GFPT1: variants seen among roughly 807,000 people sequenced by gnomAD.
GFPT1 encodes the protein glutamine--fructose-6-phosphate aminotransferase [isomerizing] 1.
In GFPT1, 40 loss-of-function variants were observed where a neutral mutation model predicts 92.0. The ratio of observed to expected loss-of-function variants is 0.43; its 90% CI spans 0.34 to 0.57. The LOEUF is 0.57. Ranked by LOEUF, GFPT1 falls within the 20% of genes least tolerant of loss-of-function variation. The pLI is 0.02. For synonymous variants in GFPT1, 269 were observed against 280.6 expected (o/e 0.96, Z 0.41); for missense variants, 448 against 869.1 (o/e 0.52, Z 6.09).
At chr2:69,380,181 T>A (rs531797634) in intron 1 of GFPT1, among the ~76,000 whole-genome samples, 1 of 151,910 alleles carries the variant, frequency 6.6e-6, no homozygotes, top group African/African-American at 2.4e-5. Flanking sequence ...CCATTAAAAA[T>A]ACAAAATTCC....
chr2:69,331,390 A>G (rs13388542), intron 15 of GFPT1, among the ~76,000 whole-genome samples: 4 of 152,164 alleles, frequency 2.6e-5, no homozygotes, highest in African/African-American at 9.7e-5. Context: ...AAAATTAGAC[A>G]AATGCTACAT....
Position 69,328,330 on chromosome 2 carries a change from T to C in GFPT1, c.1834A>G (p.Met612Val). The change falls in exon 18 of 20, where the codon ATG becomes GTG. Residue 612 changes from methionine (M) to valine (V), a missense_variant. Physicochemically the swap from Met to Val is conservative, Grantham distance 21. Around this residue, in one of 7 missense-constraint regions of GFPT1, gnomAD observed 5 missense variants for 46.8 expected, o/e 0.11. Transcript: ENST00000357308. ...CACTTGGCATAAGTGTGATCTCTCATGATGATCATGATCACAGGCATCAAT... is the reference window on the plus strand; with the variant it reads ...CACTTGGCATAAGTGTGATCTCTCACGATGATCATGATCACAGGCATCAAT... ...DKLMPVIMII[M>V]RDHTYAKCQN... 1 of 1,613,524 alleles carries C rather than the reference T, an allele frequency of 6.2e-7. No homozygotes were observed. Among genetic ancestry groups the C allele is most frequent in the Non-Finnish European group, 8.5e-7 (1 of 1,179,468 alleles).
chr2:69,342,112 T>C, intron 13 of GFPT1, 40 bp downstream of exon 13: 2 of 1,066,246 alleles, frequency 1.9e-6, no homozygotes, highest in African/African-American at 1.6e-5. Context: ...ACAGATATTC[T>C]CTAATATTCA....
rs536572222 is a variant in GFPT1 at position 69,350,118 on chromosome 2, C to T, written c.805G>A (p.Glu269Lys). ...AAGTAATACTCCACTGCTTTTTCTT[C>T]CACCGGGAAAAGGCAGGTTGTGCTG... ...VDSTTCLFPV[E>K]EKAVEYYFAS... The change falls in exon 10 of 20, where the codon GAA (glutamate) becomes AAA (lysine). Residue 269 changes from glutamate (E) to lysine (K), a missense_variant. This residue lies in a region of GFPT1 where 121 missense variants were observed against 304.3 expected (regional missense o/e 0.40). Transcript: ENST00000357308. 3.3e-5 allele frequency: 53 copies of T among 1,613,940 alleles called. No individual in the cohort carries two copies. The highest frequency in any genetic ancestry group is 1.3e-4 in the Admixed American group (8 of 60,026).
At chr2:69,362,417 CTTATT>C (rs1350096523) in intron 4 of GFPT1, among the ~76,000 whole-genome samples, 1 of 151,916 alleles carries the variant, frequency 6.6e-6, no homozygotes, top group African/African-American at 2.4e-5. Context: ...TTTAGTGTGT[CTTATT>C]TTAAAGATGT....
rs200912009 is a variant in GFPT1 at position 69,381,870 on chromosome 2, T to C, written c.7+5195A>G. ...CACTGGCTACTTATAACTCTTTTTT[T>C]TTTTTTTAATTGAGACAGAGTGTCA... On this transcript the variant is annotated intron_variant, in intron 1 of 19. Transcript: ENST00000357308. Among the ~76,000 whole-genome samples the C allele has an allele frequency of 2.4e-3, 357 of 150,784 alleles. 4 individuals are homozygous for C. Among genetic ancestry groups the C allele is most frequent in the South Asian group, 0.011 (53 of 4,732 alleles).
intron 7 of GFPT1, 150 bp from the exon 8 acceptor site, chr2:69,354,718 T>TAA (rs61401084): frequency 4.7e-5 from 31 of 653,788 alleles, no homozygotes; most frequent in Non-Finnish European, 6.9e-5. Context: ...AAGAATTTTT[T>TAA]AAAAAAATCA....
At chr2:69,356,404 T>A in intron 7 of GFPT1, 92 bp downstream of exon 7, 1 of 904,062 alleles carries the variant, frequency 1.1e-6, no homozygotes, top group Middle Eastern at 2.1e-4. Context: ...GGGCAGAGCC[T>A]TTATAATAAA....
intron 2 of GFPT1, among the ~76,000 whole-genome samples, chr2:69,373,123 C>A (rs1474793233): frequency 1.1e-4 from 17 of 152,206 alleles, no homozygotes; most frequent in African/African-American, 4.8e-5. Flanking sequence ...ATTCCTGCAC[C>A]TTCTCCCTTT....
At chr2:69,328,701 C>CTT (rs10634143) in intron 17 of GFPT1, among the ~76,000 whole-genome samples, 1,721 of 136,188 alleles carry the variant, frequency 0.013, 60 homozygotes, top group African/African-American at 0.041. Context: ...CTGGTTAACC[C>CTT]TTTTTTTTTT....
chr2:69,344,186 CAAAAAAAAAAAA>C (rs10602884), intron 12 of GFPT1, among the ~76,000 whole-genome samples: 2 of 64,520 alleles, frequency 3.1e-5, no homozygotes, highest in African/African-American at 6.5e-5. Flanking sequence ...AAAAGCAAAG[CAAAAAAAAAAAA>C]AAAAAAAAAA....
rs746801112 is a variant in GFPT1, at chr2:69,358,371, A to C, written c.501T>G (p.Asp167Glu). 6 of 1,612,356 alleles carry C rather than the reference A, an allele frequency of 3.7e-6. No individual in the cohort carries two copies. The highest frequency in any genetic ancestry group is 2.7e-5 in the African/African-American group (2 of 74,882). ...TCTCCACCAAGGTAGTAAAGCTGGTATCTTGACTTTCCCGATTGTCATACA... is the reference window on the plus strand; with the variant it reads ...TCTCCACCAAGGTAGTAAAGCTGGTCTCTTGACTTTCCCGATTGTCATACA... ...KYMYDNRESQ[D>E]TSFTTLVERV... The change falls in exon 6 of 20, where the codon GAT becomes GAG. Residue 167 changes from aspartate (D) to glutamate (E), a missense_variant. Coordinates refer to ENST00000357308, the MANE Select transcript of GFPT1 (RefSeq NM_001244710.2).
Position 69,387,122 on chromosome 2 carries a change from G to C in GFPT1, c.-51C>G, listed in dbSNP as rs768381327. On this transcript the variant is annotated 5_prime_UTR_variant, in exon 1 of 20. Transcript: ENST00000357308. ...CCAGGGGCGAGTGGCTGGCGGGATC[G>C]GGGGTGCACACACGAGCTTCGGTGG... 2.0e-6 allele frequency: 3 copies of C among 1,519,350 alleles called. No individual in the cohort carries two copies. The highest frequency in any genetic ancestry group is 2.6e-6 in the Non-Finnish European group (3 of 1,139,340). 94.1% of individuals were successfully genotyped at this position (1,519,350 alleles called of 1,614,324 possible). A position where few individuals can be genotyped will look rare whatever the true frequency, so the allele number is the denominator to read the frequency against.
intron 1 of GFPT1, among the ~76,000 whole-genome samples, chr2:69,383,302 C>A (rs1266764502): frequency 6.6e-6 from 1 of 152,184 alleles, no homozygotes; most frequent in African/African-American, 2.4e-5. Context: ...AAAACCCTTT[C>A]CCGCCTTCTA....
At chr2:69,341,055 C>T (rs1358168662) in intron 13 of GFPT1, among the ~76,000 whole-genome samples, 1 of 151,640 alleles carries the variant, frequency 6.6e-6, no homozygotes, top group Non-Finnish European at 1.5e-5. Flanking sequence ...ACCTTCTGGA[C>T]TCAAGCGATC....
chr2:69,322,857 G>A lies in GFPT1; in HGVS notation c.*3332C>T, dbSNP rs1192316382. On this transcript the variant is annotated 3_prime_UTR_variant, in exon 20 of 20. Coordinates refer to ENST00000357308, the MANE Select transcript of GFPT1 (RefSeq NM_001244710.2). ...CCCCCAAACATGGACCATTATTCAA[G>A]TAGACAAAATCACTCACTGACAGCA... is the stretch of plus-strand genomic sequence containing the variant. The A allele has an allele frequency of 6.6e-6, 1 of 152,158 alleles. No individual in the cohort carries two copies. The highest frequency in any genetic ancestry group is 1.5e-5 in the Non-Finnish European group (1 of 68,042). The allele number at this position is 152,158 out of a possible 1,614,324, so 9.4% of individuals were successfully genotyped here.
chr2:69,359,867 A>T (rs1340406757), intron 4 of GFPT1, among the ~76,000 whole-genome samples: 1 of 152,252 alleles, frequency 6.6e-6, no homozygotes, highest in East Asian at 1.9e-4. Flanking sequence ...TTGAGATCCA[A>T]ATAAGTCATA....
chr2:69,356,539 C>A lies in GFPT1; in HGVS notation c.562G>T (p.Val188Leu). The change falls in exon 7 of 20, where the codon GTG becomes TTG. Residue 188 changes from valine (V) to leucine (L), a missense_variant. Around this residue, in one of 7 missense-constraint regions of GFPT1, gnomAD observed 118 missense variants for 192.9 expected, o/e 0.61. Transcript: ENST00000357308. ...IQQLEGAFAL[V>L]FKSVHFPGQA... The stretch of plus-strand genomic sequence containing the variant: ...CCGGGAAAATGAACACTTTTAAACA[C>A]AAGTGCAAAAGCACCTTCCTAGGGA... 1 of 1,613,392 alleles carries A rather than the reference C, an allele frequency of 6.2e-7. No individual in the cohort carries two copies. The highest frequency in any genetic ancestry group is 8.5e-7 in the Non-Finnish European group (1 of 1,179,376).
chr2:69,355,168 C>A (rs1445379458), intron 7 of GFPT1, among the ~76,000 whole-genome samples: 3 of 152,134 alleles, frequency 2.0e-5, no homozygotes, highest in Non-Finnish European at 2.9e-5. Context: ...GCCTTGACCT[C>A]CTGGCCTCAA....
Sources: gnomAD v4.1 joint callset for allele counts (sites outside exome capture counted in the v4.1 genomes callset) on GRCh38, gnomAD v4.1.1 for gene constraint, gnomAD v4.1.1 regional missense constraint, MANE v1.5 for transcripts, NCBI Gene and HGNC (gene_info 2026-07-23, HGNC 2026-07-21) for gene names.